Variants in CINP observed in about 807,000 individuals in gnomAD.
CINP encodes cyclin dependent kinase 2 interacting protein.
In CINP, 11 loss-of-function variants were observed where a neutral mutation model predicts 20.5. The ratio of observed to expected loss-of-function variants is 0.54; its 90% CI spans 0.34 to 0.89. The LOEUF is 0.89. Ranked by LOEUF, CINP falls within the 40% of genes least tolerant of loss-of-function variation. CINP has a pLI of 0.02. For synonymous variants in CINP, 108 were observed against 102.1 expected (o/e 1.06, Z -0.35); for missense variants, 213 against 251.0 (o/e 0.85, Z 1.02).
chr14:102,359,029 C>T (rs905933862), intron 2 of CINP, among the ~76,000 whole-genome samples: 1 of 151,550 alleles, frequency 6.6e-6, no homozygotes, highest in African/African-American at 2.4e-5. Flanking sequence ...GGTGAAAGCC[C>T]GTCTCTACTA....
At chr14:102,358,880 A>G (rs1478670965) in intron 2 of CINP, among the ~76,000 whole-genome samples, 1 of 152,136 alleles carries the variant, frequency 6.6e-6, no homozygotes, top group Non-Finnish European at 1.5e-5. Flanking sequence ...CCCAATCATT[A>G]TGCCTATGAA....
intron 1 of CINP, among the ~76,000 whole-genome samples, chr14:102,360,389 C>A (rs1887113771): frequency 6.6e-6 from 1 of 151,864 alleles, no homozygotes; most frequent in African/African-American, 2.4e-5. Flanking sequence ...CTCCCCGAAC[C>A]CTCCTGTGCC....
chr14:102,355,618 G>T, intron 3 of CINP, 150 bp downstream of exon 3: 1 of 813,266 alleles, frequency 1.2e-6, no homozygotes, highest in Non-Finnish European at 1.9e-6. Flanking sequence ...GCATCTTGGG[G>T]AACATTAAGG....
intron 2 of CINP, among the ~76,000 whole-genome samples, chr14:102,357,208 C>T (rs1197079777): frequency 2.6e-5 from 4 of 151,890 alleles, no homozygotes; most frequent in Non-Finnish European, 5.9e-5. Context: ...TGTGAAACTC[C>T]GTCTCTACTA....
rs1240291250 is a variant in CINP, at chr14:102,351,613, TATC to T, written c.307-1568_307-1566del. Among the ~76,000 whole-genome samples the T allele has an allele frequency of 2.0e-5, 3 of 151,586 alleles. No homozygotes were observed. The highest frequency in any genetic ancestry group is 7.2e-5 in the African/African-American group (3 of 41,412). On this transcript the variant is annotated intron_variant, in intron 3 of 4. Coordinates refer to ENST00000216756, the MANE Select transcript of CINP (RefSeq NM_032630.3). The surrounding 1 kb of genome is among the most constrained non-coding windows in gnomAD (Gnocchi z 4.2). ...AAGAAAAGATATATAAATTGTCAAA[TATC>T]TTAATTCCTTTACTTGGTCCTTCCA...
chr14:102,349,890 T>C, intron 4 of CINP, 29 bp downstream of exon 4: 1 of 1,613,072 alleles, frequency 6.2e-7, no homozygotes, highest in Non-Finnish European at 8.5e-7. Context: ...TTTACCCTCC[T>C]GAAAATCAAC....
At chr14:102,355,534 T>G (rs1309396057) in intron 3 of CINP, 3 of 409,734 alleles carry the variant, frequency 7.3e-6, no homozygotes, top group Non-Finnish European at 1.3e-5. Flanking sequence ...AAAAAAAAAT[T>G]TACTATGTGA....
At chr14:102,360,289 C>T (rs1236383290) in intron 1 of CINP, among the ~76,000 whole-genome samples, 1 of 152,114 alleles carries the variant, frequency 6.6e-6, no homozygotes, top group Non-Finnish European at 1.5e-5. Context: ...TCCTCAGGCT[C>T]ACGATGCCCA....
intron 1 of CINP, among the ~76,000 whole-genome samples, chr14:102,361,940 G>A (rs1376897289): frequency 6.6e-6 from 1 of 152,204 alleles, no homozygotes; most frequent in Non-Finnish European, 1.5e-5. Flanking sequence ...CTGCTATCAT[G>A]ATATTCACCA....
Position 102,359,419 on chromosome 14 carries a change from A to C in CINP, c.176T>G (p.Leu59Trp), listed in dbSNP as rs1887081784. The C allele has an allele frequency of 1.3e-6, 2 of 1,599,826 alleles. No individual in the cohort carries two copies. Among genetic ancestry groups the C allele is most frequent in the African/African-American group, 2.7e-5 (2 of 74,564 alleles). ...GCATGAAAAACCAATATGTACTTAC[A>C]ATAAACTGATTTTCAAGTTGGCAAT... ...NNIANLKISL[L>W]NKDKIELDSS... Residue 59 changes from leucine (L) to tryptophan (W), a missense_variant and splice_region_variant, in exon 2 of 5, where the codon TTG (leucine) becomes TGG (tryptophan). By Grantham distance (61) the Leu-to-Trp change is moderately conservative. Transcript: ENST00000216756.
chr14:102,360,160 T>G (rs962679443), intron 1 of CINP, among the ~76,000 whole-genome samples: 1 of 151,956 alleles, frequency 6.6e-6, no homozygotes, highest in African/African-American at 2.4e-5. Context: ...ATCACGTACA[T>G]CAACCCACAC....
intron 2 of CINP, among the ~76,000 whole-genome samples, chr14:102,356,736 T>C (rs1887005787): frequency 6.6e-6 from 1 of 152,228 alleles, no homozygotes; most frequent in Non-Finnish European, 1.5e-5. Context: ...TTATTATGTC[T>C]ATGATCTGTG....
chr14:102,362,054 G>A (rs1056887940), intron 1 of CINP, among the ~76,000 whole-genome samples: 3 of 152,182 alleles, frequency 2.0e-5, no homozygotes, highest in Non-Finnish European at 2.9e-5. Context: ...CCACACATAG[G>A]AGGCTTTGCA....
In CINP at chr14:102,348,518, G is replaced by A. The variant is rs772240790; in HGVS notation, c.*39C>T. Reference sequence around the variant, plus strand: ...CCTAGGCAGACTGTCTGCCTGGTGAGACGTGGAAGGAGCCAGTGTCCGCAG... The same window carrying A: ...CCTAGGCAGACTGTCTGCCTGGTGAAACGTGGAAGGAGCCAGTGTCCGCAG... On this transcript the variant is annotated 3_prime_UTR_variant, in exon 5 of 5. Transcript: ENST00000216756. The A allele has an allele frequency of 1.7e-5, 27 of 1,557,346 alleles. No homozygotes were observed.
chr14:102,362,692 G>A (rs2139639065), intron 1 of CINP, 153 bp downstream of exon 1: 2 of 1,005,434 alleles, frequency 2.0e-6, no homozygotes, highest in South Asian at 1.3e-5. Flanking sequence ...CGCAGAGGCT[G>A]CGAGGGGCCT....
At chr14:102,362,523 C>G in intron 1 of CINP, 1 of 702,608 alleles carries the variant, frequency 1.4e-6, no homozygotes, top group South Asian at 1.5e-5. Flanking sequence ...GCATGCAAGG[C>G]TTGGTACCCA....
At chr14:102,349,885 C>T in intron 4 of CINP, 34 bp downstream of exon 4, 1 of 1,612,346 alleles carries the variant, frequency 6.2e-7, no homozygotes, top group Non-Finnish European at 8.5e-7. Flanking sequence ...TAACCTTTAC[C>T]CTCCTGAAAA....
At chr14:102,359,620 C>A in intron 1 of CINP, 33 bp from the exon 2 acceptor site, 2 of 1,533,716 alleles carry the variant, frequency 1.3e-6, no homozygotes, top group South Asian at 2.4e-5. Flanking sequence ...AAATTATTAT[C>A]ATGGAATATA....
chr14:102,358,574 A>G (rs781127961), intron 2 of CINP, among the ~76,000 whole-genome samples: 10 of 152,120 alleles, frequency 6.6e-5, no homozygotes, highest in Non-Finnish European at 1.5e-4. Context: ...CTAGCTACTC[A>G]GGAGGCTGAG....
Sources: gnomAD v4.1 joint callset for allele counts (sites outside exome capture counted in the v4.1 genomes callset) on GRCh38, gnomAD v4.1.1 for gene constraint, Gnocchi (gnomAD v3.1) non-coding constraint, MANE v1.5 for transcripts, NCBI Gene and HGNC (gene_info 2026-07-23, HGNC 2026-07-21) for gene names.